Variants in RNASEH1 observed in about 807,000 individuals in gnomAD.
The protein encoded by RNASEH1 is ribonuclease H1.
In RNASEH1, 27 loss-of-function variants were observed where a neutral mutation model predicts 34.6. That is an observed-to-expected ratio of 0.78 (90% CI 0.58 to 1.08). The LOEUF is 1.08. Ranked by LOEUF, RNASEH1 falls within the 50% of genes least tolerant of loss-of-function variation. RNASEH1 has a pLI of 0.00. For synonymous variants in RNASEH1, 162 were observed against 138.4 expected (o/e 1.17, Z -1.20); for missense variants, 349 against 373.6 (o/e 0.93, Z 0.54).
chr2:3,554,060 G>A (rs907705527), intron 2 of RNASEH1, among the ~76,000 whole-genome samples: 2 of 152,124 alleles, frequency 1.3e-5, no homozygotes, highest in Admixed American at 6.5e-5. Flanking sequence ...ATCACAGAAC[G>A]CCTACTAGAA....
rs771029707 is a variant in RNASEH1, at chr2:3,552,178, C to A, written c.375G>T (p.Ala125=). ...AAAACGTGTCTCTGCTAACTGGAGG[C>A]GCCGGCTCCACGCTCGGCTTCATGT... ...AKHMKPSVEP[A]PPVSRDTFSY... is the part of the protein sequence containing the mutation. The change falls in exon 3 of 8, where the codon GCG becomes GCT. Residue 125 remains alanine (A), a synonymous_variant. Coordinates refer to ENST00000315212, the MANE Select transcript of RNASEH1 (RefSeq NM_002936.6). The A allele has an allele frequency of 1.0e-4, 168 of 1,611,646 alleles. No individual in the cohort carries two copies. The Middle Eastern group carries it at 1.3e-3, about 12-fold the overall frequency.
At chr2:3,539,359 C>T (rs970476454), downstream of RNASEH1, among the ~76,000 whole-genome samples, 1 of 152,196 alleles carries the variant, frequency 6.6e-6, no homozygotes, top group Non-Finnish European at 1.5e-5. Context: ...CAAAACCCTA[C>T]CACCATATAC....
intron 2 of RNASEH1, among the ~76,000 whole-genome samples, chr2:3,555,756 A>G (rs941968467): frequency 6.6e-6 from 1 of 152,082 alleles, no homozygotes; most frequent in African/African-American, 2.4e-5. Flanking sequence ...CTTGCGCTCT[A>G]AAGTCGTCAC....
chr2:3,548,864 C>A (rs956049087), intron 5 of RNASEH1, 140 bp from the exon 6 acceptor site: 2 of 750,690 alleles, frequency 2.7e-6, no homozygotes, highest in African/African-American at 1.8e-5. Flanking sequence ...ACATACAATT[C>A]TCCTGTGTAG....
intron 2 of RNASEH1, among the ~76,000 whole-genome samples, chr2:3,555,410 C>T (rs1016758810): frequency 6.6e-6 from 1 of 152,162 alleles, no homozygotes; most frequent in African/African-American, 2.4e-5. Context: ...TGTCCTCATT[C>T]TCAAACAGAA....
At chr2:3,546,245 T>C (rs1229726324) in intron 7 of RNASEH1, among the ~76,000 whole-genome samples, 1 of 152,344 alleles carries the variant, frequency 6.6e-6, no homozygotes, top group Non-Finnish European at 1.5e-5. Flanking sequence ...AGAAATAATG[T>C]ACTTATTTAA....
the RNASEH1 span, among the ~76,000 whole-genome samples, chr2:3,536,366 C>T: frequency 6.6e-6 from 1 of 152,058 alleles, no homozygotes; most frequent in Non-Finnish European, 1.5e-5. Context: ...ACCAAGCTTG[C>T]GTCCACCGCT....
intron 3 of RNASEH1, among the ~76,000 whole-genome samples, chr2:3,551,294 A>T (rs1295040069): frequency 1.3e-5 from 2 of 152,230 alleles, no homozygotes; most frequent in Non-Finnish European, 2.9e-5. Flanking sequence ...GCTGGAACTT[A>T]ACTGTATCAG....
chr2:3,558,012 A>G lies in RNASEH1; in HGVS notation c.128+121T>C, dbSNP rs1376365182. On this transcript the variant is annotated intron_variant, in intron 1 of 7. Coordinates refer to ENST00000315212, the MANE Select transcript of RNASEH1 (RefSeq NM_002936.6). The stretch of plus-strand genomic sequence containing the variant: ...AAACGAGGCGGTCCCCCGACCACCC[A>G]CAGCCACAGCGCGCGGCACAGACTC... 2.7e-6 allele frequency: 4 copies of G among 1,484,116 alleles called. No individual in the cohort carries two copies. In the East Asian group the frequency reaches 1.0e-4, roughly 38 times the overall value. 91.9% of individuals were successfully genotyped at this position (1,484,116 alleles called of 1,614,324 possible). A position where few individuals can be genotyped will look rare whatever the true frequency, so the allele number is the denominator to read the frequency against.
downstream of RNASEH1, among the ~76,000 whole-genome samples, chr2:3,541,238 A>G (rs1026207689): frequency 6.6e-6 from 1 of 151,782 alleles, no homozygotes; most frequent in Non-Finnish European, 1.5e-5. Flanking sequence ...CTGAGGCAGG[A>G]GAATGGTGTG....
rs749150117 is a variant in RNASEH1 at position 3,557,837 on chromosome 2, A to C, written c.128+296T>G. The C allele has an allele frequency of 1.2e-5, 17 of 1,385,388 alleles. No homozygotes were observed. The South Asian group carries it at 1.6e-4, about 13-fold the overall frequency. The allele number at this position is 1,385,388 out of a possible 1,614,324, so 85.8% of individuals were successfully genotyped here. ...CTGATTACGTGTCACTTTTTGTTGCACTTTAACTGCAACAAAGATGGAGGA... is the reference window on the plus strand; with the variant it reads ...CTGATTACGTGTCACTTTTTGTTGCCCTTTAACTGCAACAAAGATGGAGGA... On this transcript the variant is annotated intron_variant, in intron 1 of 7. Transcript: ENST00000315212.
intron 2 of RNASEH1, among the ~76,000 whole-genome samples, chr2:3,556,258 C>T (rs1017735004): frequency 2.0e-5 from 3 of 151,426 alleles, no homozygotes; most frequent in Non-Finnish European, 4.4e-5. Flanking sequence ...ATGGAAAGAA[C>T]CACACTCATT....
At chr2:3,551,141 G>A (rs186577943) in intron 3 of RNASEH1, among the ~76,000 whole-genome samples, 7 of 152,250 alleles carry the variant, frequency 4.6e-5, no homozygotes, top group African/African-American at 1.4e-4. Context: ...GAGGTGGTAC[G>A]CGCAGGAAGT....
At chr2:3,540,569 T>C (rs937986998), downstream of RNASEH1, among the ~76,000 whole-genome samples, 3 of 152,130 alleles carry the variant, frequency 2.0e-5, no homozygotes, top group South Asian at 4.1e-4. Context: ...CCACCGCGCC[T>C]GGGTAATTTT....
Position 3,548,122 on chromosome 2 carries a change from T to C in RNASEH1, c.650-67A>G, listed in dbSNP as rs113802470. On this transcript the variant is annotated intron_variant, in intron 6 of 7. Coordinates refer to ENST00000315212, the MANE Select transcript of RNASEH1 (RefSeq NM_002936.6). ...CCTGCCTTTTTCACCTCCTTAGTCT[T>C]ACCTCTTATAATTGATCCCACTTGT... 64 of 1,565,660 alleles carry C rather than the reference T, an allele frequency of 4.1e-5. 2 individuals are homozygous for C. The highest frequency in any genetic ancestry group is 3.8e-4 in the African/African-American group (28 of 74,210).
chr2:3,537,218 G>C (rs1042726791), downstream of RNASEH1, among the ~76,000 whole-genome samples: 1 of 152,202 alleles, frequency 6.6e-6, no homozygotes. Flanking sequence ...CCATGTCACA[G>C]AGTTTCACAG....
chr2:3,536,232 C>G, the RNASEH1 span, among the ~76,000 whole-genome samples: 9 of 152,218 alleles, frequency 5.9e-5, no homozygotes, highest in African/African-American at 2.2e-4. Flanking sequence ...ACGTGTGTGG[C>G]TTTATCTGGT....
At chr2:3,551,633 T>C (rs1659921202) in intron 3 of RNASEH1, among the ~76,000 whole-genome samples, 1 of 152,246 alleles carries the variant, frequency 6.6e-6, no homozygotes, top group Non-Finnish European at 1.5e-5. Flanking sequence ...TTTCTGCTCA[T>C]ATGTGTAAAA....
intron 1 of RNASEH1, chr2:3,557,921 A>G: frequency 1.3e-6 from 2 of 1,528,896 alleles, no homozygotes; most frequent in Non-Finnish European, 1.8e-6. Flanking sequence ...TGATATTTCA[A>G]ACAAGTCTTC....
Sources: gnomAD v4.1 joint callset for allele counts (sites outside exome capture counted in the v4.1 genomes callset) on GRCh38, gnomAD v4.1.1 for gene constraint, MANE v1.5 for transcripts, NCBI Gene and HGNC (gene_info 2026-07-23, HGNC 2026-07-21) for gene names.